CEP57L1: variants seen among roughly 807,000 people sequenced by gnomAD.
The protein encoded by CEP57L1 is centrosomal protein CEP57L1.
In CEP57L1, 37 loss-of-function variants were observed where a neutral mutation model predicts 61.0. The ratio of observed to expected loss-of-function variants is 0.61; its 90% CI spans 0.47 to 0.80. The LOEUF (loss-of-function observed/expected upper bound fraction) is 0.80. Among genes scored for constraint, CEP57L1 ranks in the 30% least tolerant of loss-of-function variants. The pLI is 0.00. For synonymous variants in CEP57L1, 137 were observed against 162.3 expected, an observed-to-expected ratio of 0.84 and a Z score of 1.19; for missense variants, 422 against 524.7, an observed-to-expected ratio of 0.80 and a Z score of 1.91.
chr6:109,141,051 C>A (rs879800156), intron 1 of CEP57L1, among the ~76,000 whole-genome samples: 2 of 151,606 alleles, frequency 1.3e-5, no homozygotes, highest in Non-Finnish European at 2.9e-5. Flanking sequence ...AAGATGGTCT[C>A]GATCTCCTGA....
At chr6:109,136,706 TTTTA>T (rs1770753427) in intron 1 of CEP57L1, among the ~76,000 whole-genome samples, 1 of 80,818 alleles carries the variant, frequency 1.2e-5, no homozygotes, top group Non-Finnish European at 2.8e-5. Flanking sequence ...TGTATTTTTA[TTTTA>T]TTTTATTTTA....
intron 4 of CEP57L1, among the ~76,000 whole-genome samples, chr6:109,151,290 C>T (rs1248136836): frequency 6.6e-6 from 1 of 152,010 alleles, no homozygotes; most frequent in Non-Finnish European, 1.5e-5. Context: ...CCAAGAACAG[C>T]CAAAGTATTC....
intron 1 of CEP57L1, among the ~76,000 whole-genome samples, chr6:109,100,915 T>G (rs1782311847): frequency 6.6e-6 from 1 of 152,134 alleles, no homozygotes; most frequent in African/African-American, 2.4e-5. Flanking sequence ...GAGACCATCC[T>G]GGCCAACATG....
At chr6:109,155,184 T>C in intron 5 of CEP57L1, 46 bp from the exon 6 acceptor site, 1 of 1,177,316 alleles carries the variant, frequency 8.5e-7, no homozygotes, top group African/African-American at 1.6e-5. Flanking sequence ...AAATGATATT[T>C]GGCTCTAGTT....
rs1328896829 is a variant in CEP57L1, at chr6:109,174,159, G to A, written c.*11189G>A. Among the ~76,000 whole-genome samples the A allele has an allele frequency of 6.6e-6, 1 of 151,654 alleles. No homozygotes were observed. Among genetic ancestry groups the A allele is most frequent in the Non-Finnish European group, 1.5e-5 (1 of 67,952 alleles). On this transcript the variant is annotated 3_prime_UTR_variant, in exon 11 of 11. Coordinates refer to ENST00000517392, the MANE Select transcript of CEP57L1 (RefSeq NM_001271852.3). ...TCCAATGAAGCAGTGTTAGGAGATA[G>A]GGCCTAATGGATATAAATTACAGTG...
At chr6:109,158,836 C>T in intron 7 of CEP57L1, 189 bp from the exon 8 acceptor site, 1 of 611,386 alleles carries the variant, frequency 1.6e-6, no homozygotes. Flanking sequence ...CTCGCATTTC[C>T]ATAATTAATG....
At position 109,168,590 on chromosome 6, in the gene CEP57L1, AT is replaced by A. The variant is rs72093696; in HGVS notation, c.*5642del. Among the ~76,000 whole-genome samples, 14,621 of 111,938 alleles carry A rather than the reference AT, an allele frequency of 0.13. 595 individuals carry two copies. The highest frequency in any genetic ancestry group is 0.19 in the Non-Finnish European group (10,312 of 55,036). The allele number at this position is 111,938 out of a possible 152,430, so 73.4% of individuals were successfully genotyped here. ...ATCAATTTAGCGGGTCACTACCAGC[AT>A]TTTTTTTTTTTTTTTTTTTTTGAGA... On this transcript the variant is annotated 3_prime_UTR_variant, in exon 11 of 11. Transcript: ENST00000517392.
intron 3 of CEP57L1, among the ~76,000 whole-genome samples, chr6:109,148,034 G>C (rs750594859): frequency 6.6e-6 from 1 of 152,124 alleles, no homozygotes; most frequent in Non-Finnish European, 1.5e-5. Flanking sequence ...AATTCACATA[G>C]TACATTTCTT....
At chr6:109,153,626 A>G (rs2114922731) in intron 4 of CEP57L1, among the ~76,000 whole-genome samples, 1 of 152,012 alleles carries the variant, frequency 6.6e-6, no homozygotes, top group South Asian at 2.1e-4. Flanking sequence ...AAAAATTATG[A>G]CTTTAAGGTT....
Position 109,162,999 on chromosome 6 carries a change from A to C in CEP57L1, c.*29A>C. On this transcript the variant is annotated 3_prime_UTR_variant, in exon 11 of 11. Coordinates refer to ENST00000517392, the MANE Select transcript of CEP57L1 (RefSeq NM_001271852.3). ...AACAGCAAAACTGTCACCTTAATGA[A>C]CTTTGTCAGTGAGACCTTGAATTGT... 1 of 1,429,660 alleles carries C rather than the reference A, an allele frequency of 7.0e-7. No individual in the cohort carries two copies. Among genetic ancestry groups the C allele is most frequent in the Non-Finnish European group, 9.8e-7 (1 of 1,017,286 alleles). 88.6% of individuals were successfully genotyped at this position (1,429,660 alleles called of 1,614,324 possible).
chr6:109,145,085 TATA>T, intron 1 of CEP57L1, 131 bp from the exon 2 acceptor site: 1 of 512,696 alleles, frequency 2.0e-6, no homozygotes, highest in Non-Finnish European at 3.4e-6. Context: ...GAGTTGAATT[TATA>T]ATTAAGTTCA....
rs757908788 is a variant in CEP57L1, at chr6:109,171,813, C to T, written c.*8843C>T. 6.6e-6 allele frequency among the ~76,000 whole-genome samples: 1 copy of T among 152,262 alleles called. No individual in the cohort carries two copies. The highest frequency in any genetic ancestry group is 1.5e-5 in the Non-Finnish European group (1 of 68,028). The stretch of plus-strand genomic sequence containing the variant: ...AGATAATCATCATATCAGAGGTCAT[C>T]ATGTATCCTTAGATATCAGCATTGC... On this transcript the variant is annotated 3_prime_UTR_variant, in exon 11 of 11. Coordinates refer to ENST00000517392, the MANE Select transcript of CEP57L1 (RefSeq NM_001271852.3).
intron 10 of CEP57L1, among the ~76,000 whole-genome samples, chr6:109,161,350 C>T (rs759518631): frequency 6.6e-6 from 1 of 152,010 alleles, no homozygotes; most frequent in Non-Finnish European, 1.5e-5. Context: ...ACAATGACTC[C>T]GTAGGTTGAA....
intron 1 of CEP57L1, among the ~76,000 whole-genome samples, chr6:109,103,955 A>G (rs1770620569): frequency 6.6e-6 from 1 of 152,006 alleles, no homozygotes; most frequent in Non-Finnish European, 1.5e-5. Context: ...CAAACAAAAA[A>G]TAAGAGTAAC....
chr6:109,120,351 G>C (rs1728629931), intron 1 of CEP57L1, among the ~76,000 whole-genome samples: 1 of 152,176 alleles, frequency 6.6e-6, no homozygotes, highest in Non-Finnish European at 1.5e-5. Flanking sequence ...TCTAGAATCT[G>C]ATGAACCTTT....
intron 1 of CEP57L1, chr6:109,129,554 A>G (rs1562529692): frequency 2.2e-6 from 1 of 455,376 alleles, no homozygotes; most frequent in Non-Finnish European, 4.4e-6. Context: ...ATTTACTTCT[A>G]CATTAAATTT....
In CEP57L1 at chr6:109,168,590, A is replaced by AT. The variant is rs72093696; in HGVS notation, c.*5642dup. On this transcript the variant is annotated 3_prime_UTR_variant, in exon 11 of 11. Coordinates refer to ENST00000517392, the MANE Select transcript of CEP57L1 (RefSeq NM_001271852.3). ...ATCAATTTAGCGGGTCACTACCAGC[A>AT]TTTTTTTTTTTTTTTTTTTTTTGAG... Among the ~76,000 whole-genome samples the AT allele has an allele frequency of 0.15, 17,352 of 112,054 alleles. 1,777 individuals are homozygous for AT. The highest frequency in any genetic ancestry group is 0.21 in the Middle Eastern group (35 of 170). The allele number at this position is 112,054 out of a possible 152,430, so 73.5% of individuals were successfully genotyped here. A position where few individuals can be genotyped will look rare whatever the true frequency, so the allele number is the denominator to read the frequency against.
intron 2 of CEP57L1, 105 bp downstream of exon 2, chr6:109,145,486 C>G: frequency 2.7e-6 from 2 of 753,698 alleles, no homozygotes; most frequent in East Asian, 5.6e-5. Context: ...TAACAAAACT[C>G]CTAACTTTGA....
Position 109,172,749 on chromosome 6 carries a change from TTTA to T in CEP57L1, c.*9784_*9786del, listed in dbSNP as rs1410232480. 6.6e-6 allele frequency among the ~76,000 whole-genome samples: 1 copy of T among 152,152 alleles called. No homozygotes were observed. Among genetic ancestry groups the T allele is most frequent in the East Asian group, 1.9e-4 (1 of 5,188 alleles). On this transcript the variant is annotated 3_prime_UTR_variant, in exon 11 of 11. Coordinates refer to ENST00000517392, the MANE Select transcript of CEP57L1 (RefSeq NM_001271852.3). ...TAGTATCATTAGTTTGATGACTAGT[TTTA>T]TTATGTGAGTGTGATAAAAGGTTAC...
Sources: allele counts gnomAD v4.1 joint callset (sites outside exome capture counted in the v4.1 genomes callset), GRCh38; gene constraint gnomAD v4.1.1; transcripts MANE v1.5; gene names NCBI Gene and HGNC (gene_info 2026-07-23, HGNC 2026-07-21).